MAGI2: variants seen among roughly 807,000 people sequenced by gnomAD.
MAGI2 encodes membrane-associated guanylate kinase, WW and PDZ domain-containing protein 2.
A neutral mutation model predicts 133.3 loss-of-function variants in MAGI2; 35 were observed. That is an observed-to-expected ratio of 0.26 (90% CI 0.20 to 0.35). The LOEUF is 0.35. Ranked by LOEUF, MAGI2 falls within the 10% of genes least tolerant of loss-of-function variation. The pLI, the probability that MAGI2 is intolerant of heterozygous loss-of-function variation, is 1.00. For synonymous variants in MAGI2, 729 were observed against 710.6 expected (o/e 1.03, Z -0.41); for missense variants, 1,636 against 1,863.4 (o/e 0.88, Z 2.25).
chr7:78,533,644 T>C (rs1797651265), intron 3 of MAGI2, among the ~76,000 whole-genome samples: 1 of 152,182 alleles, frequency 6.6e-6, no homozygotes, highest in Non-Finnish European at 1.5e-5. Flanking sequence ...AGTTGAGATG[T>C]GCTGTAAATA....
intron 6 of MAGI2, among the ~76,000 whole-genome samples, chr7:78,409,042 G>T (rs747927019): frequency 2.0e-5 from 3 of 151,916 alleles, no homozygotes; most frequent in Non-Finnish European, 4.4e-5. Flanking sequence ...CCACTAAGAT[G>T]GGCACTACCA....
intron 2 of MAGI2, among the ~76,000 whole-genome samples, chr7:78,929,677 A>C (rs919525454): frequency 1.3e-5 from 2 of 151,978 alleles, no homozygotes; most frequent in Admixed American, 1.3e-4. Flanking sequence ...GGTCCCTCTT[A>C]TAAGGACTGT....
intron 13 of MAGI2, among the ~76,000 whole-genome samples, chr7:78,183,822 C>T (rs34960805): frequency 0.28 from 42,193 of 152,182 alleles, 6,054 homozygotes; most frequent in South Asian, 0.37. Context: ...CCCACCTTGG[C>T]TTCCCAAATG....
At chr7:78,485,508 G>A (rs1435201851) in intron 6 of MAGI2, 1 of 151,922 alleles carries the variant, frequency 6.6e-6, no homozygotes, top group Admixed American at 6.6e-5. Context: ...ATATATATTT[G>A]TACTGAGCCA....
At chr7:78,363,424 C>A (rs1417418000) in intron 7 of MAGI2, among the ~76,000 whole-genome samples, 1 of 151,818 alleles carries the variant, frequency 6.6e-6, no homozygotes, top group African/African-American at 2.4e-5. Flanking sequence ...ACCCGGGAGG[C>A]GGAGCCTGTG....
intron 9 of MAGI2, among the ~76,000 whole-genome samples, chr7:78,298,810 GTTTTTT>G (rs71085520): frequency 3.8e-5 from 3 of 79,610 alleles, no homozygotes; most frequent in Admixed American, 1.6e-4. Flanking sequence ...TGGCCTAAAC[GTTTTTT>G]TTTTTTTTTT....
At chr7:78,688,809 C>T (rs903004725) in intron 2 of MAGI2, among the ~76,000 whole-genome samples, 75 of 152,106 alleles carry the variant, frequency 4.9e-4, no homozygotes, top group Middle Eastern at 3.4e-3. Context: ...ATTTTTAGAA[C>T]GCTAAAATAC....
intron 1 of MAGI2, among the ~76,000 whole-genome samples, chr7:79,185,826 T>C (rs1270014921): frequency 2.0e-5 from 3 of 151,750 alleles, no homozygotes; most frequent in East Asian, 3.9e-4. Flanking sequence ...CCTAAGCCAG[T>C]TGGGACTAAG....
At chr7:78,179,453 G>T (rs1230755789) in intron 13 of MAGI2, among the ~76,000 whole-genome samples, 3 of 152,180 alleles carry the variant, frequency 2.0e-5, no homozygotes, top group Non-Finnish European at 4.4e-5. Flanking sequence ...GGCTTGCCTT[G>T]GTGCCCAACA....
intron 1 of MAGI2, among the ~76,000 whole-genome samples, chr7:79,235,824 T>TGAA (rs1831875820): frequency 6.6e-6 from 1 of 152,238 alleles, no homozygotes; most frequent in Admixed American, 6.5e-5. Context: ...TGAAAAATAT[T>TGAA]CTAAGTCATT....
intron 3 of MAGI2, among the ~76,000 whole-genome samples, chr7:78,594,707 C>T (rs111299697): frequency 0.037 from 5,638 of 152,220 alleles, 135 homozygotes; most frequent in African/African-American, 0.068. Flanking sequence ...CTGCCTGCCT[C>T]GGCCTCCCAA....
At chr7:78,800,690 T>C (rs1787988434) in intron 2 of MAGI2, among the ~76,000 whole-genome samples, 1 of 152,196 alleles carries the variant, frequency 6.6e-6, no homozygotes, top group Non-Finnish European at 1.5e-5. Context: ...GACACCACTC[T>C]GTGGCTAATA....
chr7:78,199,344 C>G (rs755849076), intron 11 of MAGI2, among the ~76,000 whole-genome samples: 1 of 152,142 alleles, frequency 6.6e-6, no homozygotes, highest in East Asian at 1.9e-4. Flanking sequence ...GGTAAAGGCT[C>G]ATGAATGGAG....
At chr7:78,243,763 C>T (rs959420664) in intron 10 of MAGI2, among the ~76,000 whole-genome samples, 4 of 151,942 alleles carry the variant, frequency 2.6e-5, no homozygotes, top group African/African-American at 9.7e-5. Context: ...CTGAAATTAA[C>T]AGGAAGCTCA....
intron 1 of MAGI2, among the ~76,000 whole-genome samples, chr7:79,290,091 A>G (rs1192495928): frequency 6.6e-6 from 1 of 152,026 alleles, no homozygotes; most frequent in Non-Finnish European, 1.5e-5. Flanking sequence ...TTTAAAAATC[A>G]CATATTAACT....
intron 1 of MAGI2, among the ~76,000 whole-genome samples, chr7:79,014,967 C>T (rs562012795): frequency 1.3e-5 from 2 of 152,048 alleles, no homozygotes; most frequent in Non-Finnish European, 2.9e-5. Flanking sequence ...AATGCATCCA[C>T]ATTAATAAAA....
intron 3 of MAGI2, among the ~76,000 whole-genome samples, chr7:78,613,358 A>T (rs1048386864): frequency 2.0e-5 from 3 of 152,196 alleles, no homozygotes; most frequent in African/African-American, 7.2e-5. Flanking sequence ...AGTAAATGTC[A>T]TTTCCATTAT....
chr7:78,822,363 G>C lies in MAGI2; in HGVS notation c.418+184727C>G, dbSNP rs1329638724. On this transcript the variant is annotated intron_variant, in intron 2 of 21. Transcript: ENST00000354212. ...TTTGTTAACTTTTATGGGAAATTTTGGTTGTACTATGGAGAGAATAATAAT... is the reference window on the plus strand; with the variant it reads ...TTTGTTAACTTTTATGGGAAATTTTCGTTGTACTATGGAGAGAATAATAAT... Among the ~76,000 whole-genome samples, 5 of 152,026 alleles carry C rather than the reference G, an allele frequency of 3.3e-5. No homozygotes were observed. The East Asian group carries it at 9.7e-4, about 29-fold the overall frequency.
rs1029259443 is a variant in MAGI2, at chr7:79,249,928, T to G, written c.301+203092A>C. ...CAACAACAAAACTAGCAAACCAATT[T>G]CAAAAGCACATTAAATCATTTATCG... On this transcript the variant is annotated intron_variant, in intron 1 of 21. Coordinates refer to ENST00000354212, the MANE Select transcript of MAGI2 (RefSeq NM_012301.4). Among the ~76,000 whole-genome samples, 5 of 152,054 alleles carry G rather than the reference T, an allele frequency of 3.3e-5. No individual in the cohort carries two copies. The East Asian group carries it at 9.6e-4, about 29-fold the overall frequency.
Sources: allele counts gnomAD v4.1 joint callset (sites outside exome capture counted in the v4.1 genomes callset), GRCh38; gene constraint gnomAD v4.1.1; transcripts MANE v1.5; gene names NCBI Gene and HGNC (gene_info 2026-07-23, HGNC 2026-07-21).